FBXW11: variants seen among roughly 807,000 people sequenced by gnomAD.
FBXW11 encodes F-box/WD repeat-containing protein 11.
In FBXW11, 19 loss-of-function variants were observed where a neutral mutation model predicts 77.6. That is an observed-to-expected ratio of 0.24 (90% confidence interval 0.17 to 0.36). The LOEUF is 0.36. Ranked by LOEUF, FBXW11 falls within the 10% of genes least tolerant of loss-of-function variation. FBXW11 has a pLI of 1.00. For missense variants in FBXW11, 334 were observed against 704.2 expected, an observed-to-expected ratio of 0.47 and a Z score of 5.95; for synonymous variants, 235 against 249.4, an observed-to-expected ratio of 0.94 and a Z score of 0.54.
At chr5:171,977,065 C>T (rs1764870202) in intron 1 of FBXW11, among the ~76,000 whole-genome samples, 1 of 149,458 alleles carries the variant, frequency 6.7e-6, no homozygotes, top group African/African-American at 2.5e-5. Flanking sequence ...TCTGGCCAGG[C>T]AGGGTGGCTC....
intron 2 of FBXW11, among the ~76,000 whole-genome samples, chr5:171,916,105 TGGGGGG>T (rs955507426): frequency 3.5e-5 from 3 of 85,252 alleles, no homozygotes; most frequent in African/African-American, 1.4e-4. Context: ...TGGGGGGAGG[TGGGGGG>T]ATAGCATTAG....
chr5:171,869,451 G>A lies in FBXW11; in HGVS notation c.1530+278C>T, dbSNP rs1757624980. On this transcript the variant is annotated intron_variant, in intron 12 of 13. Transcript: ENST00000517395. This position sits in a 1 kb window ranked among gnomAD's most constrained non-coding sequence, Gnocchi z 4.1. ...AAGAAATCTTCCAAACCTACAAGAA[G>A]GAAATATTGCTTGCCCTATGAGGAA... 6.6e-6 allele frequency among the ~76,000 whole-genome samples: 1 copy of A among 152,098 alleles called. No individual in the cohort carries two copies. The highest frequency in any genetic ancestry group is 1.5e-5 in the Non-Finnish European group (1 of 68,010).
At chr5:171,919,770 T>C (rs991923864) in intron 2 of FBXW11, among the ~76,000 whole-genome samples, 1 of 152,210 alleles carries the variant, frequency 6.6e-6, no homozygotes, top group African/African-American at 2.4e-5. Flanking sequence ...TGTAAGACAC[T>C]ACCTTCCCAG....
intron 1 of FBXW11, among the ~76,000 whole-genome samples, chr5:171,966,025 C>T (rs988024050): frequency 6.6e-6 from 1 of 152,104 alleles, no homozygotes; most frequent in Non-Finnish European, 1.5e-5. Context: ...GCTTGTTTCC[C>T]CTTTGCCTTC....
At chr5:171,893,434 A>AAAAAAAAAAAAAC (rs1561656909) in intron 6 of FBXW11, among the ~76,000 whole-genome samples, 7 of 143,706 alleles carry the variant, frequency 4.9e-5, no homozygotes, top group Non-Finnish European at 7.7e-5. Context: ...AAAAAAAAAA[A>AAAAAAAAAAAAAC]AAAAAAAAAA....
chr5:171,901,877 G>T (rs1260917946), intron 4 of FBXW11, among the ~76,000 whole-genome samples: 1 of 152,184 alleles, frequency 6.6e-6, no homozygotes, highest in Non-Finnish European at 1.5e-5. Flanking sequence ...GTCACACCCA[G>T]AAGAGTGGGT....
intron 1 of FBXW11, among the ~76,000 whole-genome samples, chr5:171,992,077 T>A (rs1244079595): frequency 2.1e-5 from 3 of 144,212 alleles, no homozygotes. Flanking sequence ...ATCGCACCAC[T>A]GCCTTCCAGC....
At chr5:171,983,588 A>T (rs1410863587) in intron 1 of FBXW11, among the ~76,000 whole-genome samples, 1 of 152,146 alleles carries the variant, frequency 6.6e-6, no homozygotes, top group African/African-American at 2.4e-5. Flanking sequence ...GGGAACACAC[A>T]GCTGGTGCCC....
chr5:171,990,905 AC>A (rs1331129499), intron 1 of FBXW11, among the ~76,000 whole-genome samples: 2 of 151,572 alleles, frequency 1.3e-5, no homozygotes, highest in African/African-American at 4.9e-5. Context: ...ACTCACTGCA[AC>A]CCCCCACCTC....
intron 1 of FBXW11, among the ~76,000 whole-genome samples, chr5:171,998,237 C>G (rs1186128299): frequency 6.6e-6 from 1 of 151,902 alleles, no homozygotes; most frequent in African/African-American, 2.4e-5. Flanking sequence ...ATCAGTTGGG[C>G]CATCCTGAAA....
In FBXW11 at chr5:171,868,752, C is replaced by G. The variant is rs1757578602; in HGVS notation, c.1575G>C (p.Gln525His). ...TGTCATCATGGGAGCTGCTGATGAT[C>G]TGAAACTCATCAAACTGGAGCCGAA... ...RVFRLQFDEF[Q>H]IISSSHDDTI... The change falls in exon 13 of 14, where the codon CAG becomes CAC. Residue 525 changes from glutamine (Q) to histidine (H), a missense_variant. By Grantham distance (24) the Gln-to-His change is conservative (BLOSUM62 0). This residue lies in a region of FBXW11 where 4 missense variants were observed against 40.8 expected (regional missense o/e 0.10). Coordinates refer to ENST00000517395, the MANE Select transcript of FBXW11 (RefSeq NM_001378974.1). 1.9e-6 allele frequency: 3 copies of G among 1,613,838 alleles called. No individual in the cohort carries two copies. Among genetic ancestry groups the G allele is most frequent in the African/African-American group, 1.3e-5 (1 of 74,906 alleles).
intron 1 of FBXW11, among the ~76,000 whole-genome samples, chr5:171,992,406 G>A (rs1372190128): frequency 6.6e-6 from 1 of 151,838 alleles, no homozygotes; most frequent in Non-Finnish European, 1.5e-5. Context: ...CAGCCTAGGT[G>A]ACAGAGTGAG....
At chr5:171,873,359 G>C (rs1175723172) in intron 9 of FBXW11, among the ~76,000 whole-genome samples, 9 of 152,186 alleles carry the variant, frequency 5.9e-5, no homozygotes, top group Admixed American at 3.3e-4. Context: ...TAATAAAAAA[G>C]CTTCCAGCTG....
At chr5:171,873,981 AC>A (rs1757917770) in intron 9 of FBXW11, among the ~76,000 whole-genome samples, 1 of 152,204 alleles carries the variant, frequency 6.6e-6, no homozygotes, top group South Asian at 2.1e-4. Context: ...AAGGACCTAC[AC>A]ATAAGCACTG....
intron 2 of FBXW11, among the ~76,000 whole-genome samples, chr5:171,947,093 C>T (rs1320315581): frequency 1.3e-5 from 2 of 152,074 alleles, no homozygotes; most frequent in African/African-American, 4.8e-5. Context: ...GGATTACAGG[C>T]GTGAGCCACT....
At chr5:171,875,458 A>T (rs1378023250) in intron 9 of FBXW11, among the ~76,000 whole-genome samples, 1 of 152,194 alleles carries the variant, frequency 6.6e-6, no homozygotes, top group Non-Finnish European at 1.5e-5. Context: ...GAAGAAACAC[A>T]GGCTGACTGC....
chr5:171,951,152 T>C (rs1321968269), intron 2 of FBXW11, among the ~76,000 whole-genome samples: 2 of 150,160 alleles, frequency 1.3e-5, no homozygotes, highest in African/African-American at 2.5e-5. Flanking sequence ...AGCCTAAAGA[T>C]ACATATGCAA....
chr5:171,893,196 G>A (rs887475417), intron 6 of FBXW11, among the ~76,000 whole-genome samples: 5 of 151,824 alleles, frequency 3.3e-5, no homozygotes, highest in Non-Finnish European at 7.4e-5. Flanking sequence ...TGCTCAGCAA[G>A]AGTCCTGGAA....
rs35891894 is a variant in FBXW11, at chr5:171,972,316, AAAATAAATAAAT to A, written c.46-14630_46-14619del. Among the ~76,000 whole-genome samples the A allele has an allele frequency of 4.5e-3, 607 of 134,708 alleles. 4 individuals carry two copies. Among genetic ancestry groups the A allele is most frequent in the East Asian group, 0.021 (93 of 4,472 alleles). 88.4% of individuals were successfully genotyped at this position (134,708 alleles called of 152,430 possible). On this transcript the variant is annotated intron_variant, in intron 1 of 13. Coordinates refer to ENST00000517395, the MANE Select transcript of FBXW11 (RefSeq NM_001378974.1). ...AACACAATGAGACCTCGTCTCTACA[AAAATAAATAAAT>A]AAATAAATAAATAAATAAATAAATA...
Sources: allele counts gnomAD v4.1 joint callset (sites outside exome capture counted in the v4.1 genomes callset), GRCh38; gene constraint gnomAD v4.1.1; regional missense constraint gnomAD v4.1.1; non-coding constraint Gnocchi (gnomAD v3.1); transcripts MANE v1.5; gene names NCBI Gene and HGNC (gene_info 2026-07-23, HGNC 2026-07-21).